Variants in PPP1R3B observed in about 807,000 individuals in gnomAD.
PPP1R3B encodes PP1 subunit R4.
PPP1R3B carries 8 observed loss-of-function variants against 14.6 expected under a neutral mutation model. That is an observed-to-expected ratio of 0.55 (90% CI 0.32 to 0.99). The LOEUF (loss-of-function observed/expected upper bound fraction) is 0.99, where lower values mean the gene tolerates loss of function less well. Among genes scored for constraint, PPP1R3B ranks in the 50% least tolerant of loss-of-function variants. The pLI, the probability that PPP1R3B is intolerant of heterozygous loss-of-function variation, is 0.04. For synonymous variants in PPP1R3B, 169 were observed against 142.0 expected (o/e 1.19, Z -1.35); for missense variants, 452 against 360.1 (o/e 1.26, Z -2.07).
intron 1 of PPP1R3B, among the ~76,000 whole-genome samples, chr8:9,150,071 C>G (rs984464457): frequency 6.6e-6 from 1 of 152,216 alleles, no homozygotes; most frequent in Non-Finnish European, 1.5e-5. Flanking sequence ...AATACCTCAA[C>G]TGTACTTTTG....
chr8:9,141,847 G>A (rs1358112630), intron 1 of PPP1R3B, 179 bp from the exon 2 acceptor site: 8 of 203,700 alleles, frequency 3.9e-5, no homozygotes, highest in Non-Finnish European at 9.6e-6. Context: ...TTTGAGAGAA[G>A]ATTATGTTGT....
intron 1 of PPP1R3B, among the ~76,000 whole-genome samples, chr8:9,144,477 G>C (rs1475024352): frequency 1.3e-5 from 2 of 152,204 alleles, no homozygotes; most frequent in Non-Finnish European, 2.9e-5. Flanking sequence ...TTATAGGTAT[G>C]AGCCACTGTG....
intron 1 of PPP1R3B, among the ~76,000 whole-genome samples, chr8:9,149,577 C>G (rs1250922041): frequency 2.0e-5 from 3 of 152,216 alleles, no homozygotes; most frequent in Non-Finnish European, 4.4e-5. Context: ...CTGAAAGCTG[C>G]CGAACTGCAT....
At position 9,137,071 on chromosome 8, in the gene PPP1R3B, A is replaced by G. The variant is rs923172551; in HGVS notation, c.*3723T>C. On this transcript the variant is annotated 3_prime_UTR_variant, in exon 2 of 2. Transcript: ENST00000310455. ...TATAATTTTGCCACCATTAAAATGA[A>G]ATCTTAAAGGTAAATTAAATTCTCC... The G allele has an allele frequency of 5.3e-5, 8 of 152,306 alleles. No homozygotes were observed. The highest frequency in any genetic ancestry group is 1.7e-4 in the African/African-American group (7 of 41,548). The allele number at this position is 152,306 out of a possible 1,614,324, so 9.4% of individuals were successfully genotyped here.
rs1440310999 is a variant in PPP1R3B at position 9,136,639 on chromosome 8, A to T, written c.*4155T>A. 6.6e-6 allele frequency: 1 copy of T among 152,232 alleles called. No individual in the cohort carries two copies. Among genetic ancestry groups the T allele is most frequent in the Non-Finnish European group, 1.5e-5 (1 of 68,046 alleles). The allele number at this position is 152,232 out of a possible 1,614,324, so 9.4% of individuals were successfully genotyped here. On this transcript the variant is annotated 3_prime_UTR_variant, in exon 2 of 2. Transcript: ENST00000310455. ...GCTCGTAACAACAGCTGTCCTTCCC[A>T]GTTCCACATGTGTTGTCTCACTGCA...
intron 1 of PPP1R3B, among the ~76,000 whole-genome samples, chr8:9,143,059 T>C (rs1392139648): frequency 1.3e-5 from 2 of 152,158 alleles, no homozygotes; most frequent in Admixed American, 6.5e-5. Context: ...GTAGTTCTAG[T>C]TGTGGTTTTT....
At chr8:9,143,244 T>C (rs1486342978) in intron 1 of PPP1R3B, among the ~76,000 whole-genome samples, 1 of 152,220 alleles carries the variant, frequency 6.6e-6, no homozygotes, top group Non-Finnish European at 1.5e-5. Flanking sequence ...TTATATTTGC[T>C]ATAATCTGAT....
intron 1 of PPP1R3B, among the ~76,000 whole-genome samples, chr8:9,146,987 AT>A (rs879277011): frequency 1.8e-3 from 268 of 147,182 alleles, no homozygotes; most frequent in African/African-American, 5.4e-3. Flanking sequence ...CTTATTTTTA[AT>A]TTTTTTTTTT....
intron 1 of PPP1R3B, 138 bp downstream of exon 1, chr8:9,150,425 C>G (rs552598621): frequency 6.5e-5 from 10 of 152,750 alleles, no homozygotes; most frequent in Non-Finnish European, 1.0e-4. Context: ...CAAAGAGACG[C>G]AGGAGCAGGC....
chr8:9,146,696 T>C (rs747063868), intron 1 of PPP1R3B, among the ~76,000 whole-genome samples: 9 of 152,160 alleles, frequency 5.9e-5, no homozygotes, highest in Non-Finnish European at 1.3e-4. Context: ...TGTCTCACTG[T>C]TTCCCCTTTA....
chr8:9,149,156 G>A (rs1801334641), intron 1 of PPP1R3B, among the ~76,000 whole-genome samples: 2 of 135,440 alleles, frequency 1.5e-5, no homozygotes, highest in South Asian at 4.7e-4. Flanking sequence ...TGGCGCCACT[G>A]CAGTCCAGCC....
chr8:9,147,160 C>T (rs760124547), intron 1 of PPP1R3B, among the ~76,000 whole-genome samples: 2 of 151,988 alleles, frequency 1.3e-5, no homozygotes, highest in Non-Finnish European at 2.9e-5. Flanking sequence ...GCGTGCACCA[C>T]CACCCCCAGC....
chr8:9,142,820 T>C (rs1450436921), intron 1 of PPP1R3B, among the ~76,000 whole-genome samples: 1 of 152,224 alleles, frequency 6.6e-6, no homozygotes, highest in Non-Finnish European at 1.5e-5. Context: ...TCATCCCCGT[T>C]GGCACAAATG....
At chr8:9,145,815 C>G (rs945518038) in intron 1 of PPP1R3B, among the ~76,000 whole-genome samples, 1 of 152,188 alleles carries the variant, frequency 6.6e-6, no homozygotes, top group African/African-American at 2.4e-5. Context: ...AAAAAATCCT[C>G]AAATATTTTA....
chr8:9,148,130 C>T lies in PPP1R3B; in HGVS notation c.-18+2433G>A, dbSNP rs796325219. On this transcript the variant is annotated intron_variant, in intron 1 of 1. Coordinates refer to ENST00000310455, the MANE Select transcript of PPP1R3B (RefSeq NM_024607.4). ...GGCTTTCCTGAACTGCTCAGGAACTCCCCAGCGGACTGTGACAGGGATGGC... is the reference window on the plus strand; with the variant it reads ...GGCTTTCCTGAACTGCTCAGGAACTTCCCAGCGGACTGTGACAGGGATGGC... Among the ~76,000 whole-genome samples the T allele has an allele frequency of 3.3e-5, 5 of 152,278 alleles. No homozygotes were observed. The South Asian group carries it at 1.0e-3, about 32-fold the overall frequency.
rs1391782615 is a variant in PPP1R3B at position 9,138,495 on chromosome 8, C to CCAAAA, written c.*2294_*2298dup. 6.6e-6 allele frequency: 1 copy of CCAAAA among 152,192 alleles called. No individual in the cohort carries two copies. Among genetic ancestry groups the CCAAAA allele is most frequent in the African/African-American group, 2.4e-5 (1 of 41,422 alleles). 9.4% of individuals were successfully genotyped at this position (152,192 alleles called of 1,614,324 possible). ...TTAAACTTCAGAAATGAAAACAAAA[C>CCAAAA]CAAAACAAAACAACAACAAAAACAA... On this transcript the variant is annotated 3_prime_UTR_variant, in exon 2 of 2. Transcript: ENST00000310455.
chr8:9,151,487 C>G (rs937823133), upstream of PPP1R3B: 3 of 165,384 alleles, frequency 1.8e-5, no homozygotes, highest in African/African-American at 4.8e-5. Context: ...GAAGTCCGTC[C>G]GTGCACGAGA....
rs1244914823 is a variant in PPP1R3B, at chr8:9,138,077, A to AT, written c.*2716dup. 1 of 152,200 alleles carries AT rather than the reference A, an allele frequency of 6.6e-6. No homozygotes were observed. Among genetic ancestry groups the AT allele is most frequent in the African/African-American group, 2.4e-5 (1 of 41,440 alleles). 9.4% of individuals were successfully genotyped at this position (152,200 alleles called of 1,614,324 possible). On this transcript the variant is annotated 3_prime_UTR_variant, in exon 2 of 2. Transcript: ENST00000310455. ...ACAGAGTGATCCTTAGTCGGGTAAC[A>AT]TGTCAATGACAGTGCACTCTGTGCC...
intron 1 of PPP1R3B, among the ~76,000 whole-genome samples, chr8:9,143,739 G>A (rs1427513355): frequency 1.3e-5 from 2 of 152,028 alleles, no homozygotes; most frequent in African/African-American, 2.4e-5. Context: ...CAGCAATTTC[G>A]TATTCTTAAG....
Sources: gnomAD v4.1 joint callset for allele counts (sites outside exome capture counted in the v4.1 genomes callset) on GRCh38, gnomAD v4.1.1 for gene constraint, MANE v1.5 for transcripts, NCBI Gene and HGNC (gene_info 2026-07-23, HGNC 2026-07-21) for gene names.